Variants in DIO1 observed in about 807,000 individuals in gnomAD.
The protein encoded by DIO1 is iodothyronine deiodinase 1.
Under a neutral mutation model 25.9 loss-of-function variants are expected in DIO1, and 17 were observed. The observed-to-expected ratio is 0.66, with a 90% CI of 0.45 to 0.98. The LOEUF (loss-of-function observed/expected upper bound fraction) is 0.98, where lower values mean the gene tolerates loss of function less well. Among genes scored for constraint, DIO1 ranks in the 50% least tolerant of loss-of-function variants. DIO1 has a pLI of 0.00. For missense variants in DIO1, 270 were observed against 310.4 expected (o/e 0.87, Z 0.98); for synonymous variants, 115 against 114.0 (o/e 1.01, Z -0.05).
chr1:53,898,170 C>G (rs1007842936), intron 1 of DIO1, among the ~76,000 whole-genome samples: 2 of 151,960 alleles, frequency 1.3e-5, no homozygotes, highest in Non-Finnish European at 2.9e-5. Context: ...TGTCTAGGGA[C>G]AGTGAAACCT....
At chr1:53,896,830 A>C (rs933496018) in intron 1 of DIO1, among the ~76,000 whole-genome samples, 1 of 152,206 alleles carries the variant, frequency 6.6e-6, no homozygotes, top group Admixed American at 6.5e-5. Context: ...GGTCTTGAAG[A>C]ATGAGTCAGA....
At chr1:53,899,673 G>A (rs1234115777) in intron 1 of DIO1, among the ~76,000 whole-genome samples, 1 of 152,114 alleles carries the variant, frequency 6.6e-6, no homozygotes, top group African/African-American at 2.4e-5. Context: ...AGTCTTTTGG[G>A]TTCTTTATTT....
chr1:53,904,264 C>T (rs1326261027), intron 1 of DIO1, among the ~76,000 whole-genome samples: 1 of 152,170 alleles, frequency 6.6e-6, no homozygotes, highest in African/African-American at 2.4e-5. Context: ...GCTGTGTGAC[C>T]TGGAGCAAAT....
rs1239456854 is a variant in DIO1 at position 53,911,067 on chromosome 1, T to TATTAAA, written c.*1071_*1076dup. 4.6e-5 allele frequency: 7 copies of TATTAAA among 152,798 alleles called. No individual in the cohort carries two copies. The highest frequency in any genetic ancestry group is 3.9e-4 in the East Asian group (2 of 5,192). 9.5% of individuals were successfully genotyped at this position (152,798 alleles called of 1,614,324 possible). On this transcript the variant is annotated 3_prime_UTR_variant, in exon 4 of 4. Coordinates refer to ENST00000361921, the MANE Select transcript of DIO1 (RefSeq NM_000792.7). Reference sequence around the variant, plus strand: ...AGATGCAGTAAACTAATAACAGAATTATTAAAATATATCAGGCTATTTTGG... The same window carrying TATTAAA: ...AGATGCAGTAAACTAATAACAGAATTATTAAAATTAAAATATATCAGGCTATTTTGG...
At chr1:53,906,628 GT>G (rs912806156) in intron 3 of DIO1, among the ~76,000 whole-genome samples, 6 of 151,746 alleles carry the variant, frequency 4.0e-5, no homozygotes, top group African/African-American at 7.2e-5. Context: ...AGAGAATGTT[GT>G]TTTTGTTCTC....
intron 2 of DIO1, 24 bp from the exon 3 acceptor site, chr1:53,906,071 C>T (rs777476215): frequency 6.8e-6 from 11 of 1,611,810 alleles, no homozygotes; most frequent in Admixed American, 3.3e-5. Context: ...CAATGGGACT[C>T]GGTGCCTGGC....
chr1:53,898,428 T>C lies in DIO1; in HGVS notation c.337+3881T>C, dbSNP rs1651189486. Reference sequence around the variant, plus strand: ...TCTGGAAGGGTTTCCAAGAGAGAAGTAAACATGATCAGTTCTGCTTATTAG... The same window carrying C: ...TCTGGAAGGGTTTCCAAGAGAGAAGCAAACATGATCAGTTCTGCTTATTAG... On this transcript the variant is annotated intron_variant, in intron 1 of 3. Transcript: ENST00000361921. 2.0e-5 allele frequency among the ~76,000 whole-genome samples: 3 copies of C among 151,932 alleles called. No individual in the cohort carries two copies. The South Asian group carries it at 6.2e-4, about 32-fold the overall frequency.
rs1400743739 is a variant in DIO1, at chr1:53,910,445, A to C, written c.*446A>C. On this transcript the variant is annotated 3_prime_UTR_variant, in exon 4 of 4. Transcript: ENST00000361921. ...GGGAAATTCATTTTACCCAATTTGC[A>C]TTTATGGAATTGATCATTTAAGACA... 1.8e-5 allele frequency: 3 copies of C among 164,052 alleles called. No homozygotes were observed. The highest frequency in any genetic ancestry group is 4.1e-5 in the Non-Finnish European group (3 of 74,052). 10.2% of individuals were successfully genotyped at this position (164,052 alleles called of 1,614,324 possible).
chr1:53,900,057 C>A (rs1651274395), intron 1 of DIO1, among the ~76,000 whole-genome samples: 1 of 152,190 alleles, frequency 6.6e-6, no homozygotes, highest in South Asian at 2.1e-4. Flanking sequence ...CCACTCAATG[C>A]CTCCTCAGGC....
intron 3 of DIO1, among the ~76,000 whole-genome samples, chr1:53,908,323 A>G (rs897380888): frequency 1.3e-5 from 2 of 152,216 alleles, no homozygotes; most frequent in African/African-American, 2.4e-5. Flanking sequence ...CAGTGTCCCA[A>G]CTGCTGGGGG....
In DIO1 at chr1:53,906,188, C is replaced by T; in HGVS notation, c.575C>T (p.Pro192Leu). ...GCCCATCTACTGCTGGCCAGGAGCC[C>T]CCAGTGCCCTGTGGTGGTGGACACC... ...QAAHLLLARS[P>L]QCPVVVDTMQ... The change falls in exon 3 of 4, where the codon CCC becomes CTC. Residue 192 changes from proline (P) to leucine (L), a missense_variant. Physicochemically the swap from Pro to Leu is moderately conservative, Grantham distance 98. Transcript: ENST00000361921. The T allele has an allele frequency of 6.2e-7, 1 of 1,614,176 alleles. No individual in the cohort carries two copies. The highest frequency in any genetic ancestry group is 8.5e-7 in the Non-Finnish European group (1 of 1,180,030).
At chr1:53,905,718 G>C (rs1308543346) in intron 2 of DIO1, among the ~76,000 whole-genome samples, 3 of 152,222 alleles carry the variant, frequency 2.0e-5, no homozygotes, top group African/African-American at 7.2e-5. Context: ...GCCTCTCCAA[G>C]TATGGTCTAG....
Position 53,906,233 on chromosome 1 carries a change from A to G in DIO1, c.620A>G (p.Gln207Arg). The G allele has an allele frequency of 1.2e-6, 2 of 1,614,190 alleles. No homozygotes were observed. The highest frequency in any genetic ancestry group is 2.2e-5 in the South Asian group (2 of 91,078). Residue 207 changes from glutamine (Q) to arginine (R), a missense_variant, in exon 3 of 4, where the codon CAG becomes CGG. Physicochemically the swap from Gln to Arg is conservative, Grantham distance 43. Transcript: ENST00000361921. The stretch of plus-strand genomic sequence containing the variant: ...GACACCATGCAGAACCAGAGCAGCC[A>G]GCTCTACGCAGCACTGCCTGAGAGG... ...VVDTMQNQSS[Q>R]LYAALPERLY...
intron 1 of DIO1, among the ~76,000 whole-genome samples, chr1:53,897,507 T>A (rs1651141805): frequency 6.6e-6 from 1 of 151,850 alleles, no homozygotes; most frequent in Non-Finnish European, 1.5e-5. Flanking sequence ...TAAAATAAAA[T>A]AAAAACTGTT....
At position 53,910,050 on chromosome 1, in the gene DIO1, C is replaced by A; in HGVS notation, c.*51C>A. On this transcript the variant is annotated 3_prime_UTR_variant, in exon 4 of 4. Transcript: ENST00000361921. ...TGACCAACGGGAGGGCTTCTCAAGG[C>A]TTAGCTCTCCCTGAGACCCAGCTGG... 1.3e-6 allele frequency: 2 copies of A among 1,516,862 alleles called. No individual in the cohort carries two copies. The highest frequency in any genetic ancestry group is 9.2e-7 in the Non-Finnish European group (1 of 1,091,364). 94.0% of individuals were successfully genotyped at this position (1,516,862 alleles called of 1,614,324 possible).
At chr1:53,898,864 C>T (rs764280107) in intron 1 of DIO1, among the ~76,000 whole-genome samples, 4 of 151,984 alleles carry the variant, frequency 2.6e-5, no homozygotes, top group Non-Finnish European at 5.9e-5. Context: ...GACAGAGAGA[C>T]GTGAAGAATC....
rs1651659541 is a variant in DIO1, at chr1:53,906,427, G to C, written c.681+133G>C. 9.3e-6 allele frequency: 7 copies of C among 754,450 alleles called. No individual in the cohort carries two copies. In the East Asian group the frequency reaches 1.9e-4, roughly 21 times the overall value. 46.7% of individuals were successfully genotyped at this position (754,450 alleles called of 1,614,324 possible). A position where few individuals can be genotyped will look rare whatever the true frequency, so the allele number is the denominator to read the frequency against. On this transcript the variant is annotated intron_variant, in intron 3 of 3. Transcript: ENST00000361921. Reference sequence around the variant, plus strand: ...GCCACTTACCAGCCATGTGACCATGGGCGAGTGCTTTCACTTCTTGGAGTT... The same window carrying C: ...GCCACTTACCAGCCATGTGACCATGCGCGAGTGCTTTCACTTCTTGGAGTT...
At chr1:53,901,764 T>C (rs577546792) in intron 1 of DIO1, among the ~76,000 whole-genome samples, 1 of 152,180 alleles carries the variant, frequency 6.6e-6, no homozygotes, top group South Asian at 2.1e-4. Flanking sequence ...AGTGCACCTA[T>C]AGTTCCAGCT....
In DIO1 at chr1:53,894,198, TGGCTTTGCCGA is replaced by T; in HGVS notation, c.-11_-1del. The T allele has an allele frequency of 6.2e-7, 1 of 1,606,864 alleles. No homozygotes were observed. The highest frequency in any genetic ancestry group is 8.5e-7 in the Non-Finnish European group (1 of 1,175,644). On this transcript the variant is annotated 5_prime_UTR_variant, in exon 1 of 4. Transcript: ENST00000361921. The surrounding 1 kb of genome is among the most constrained non-coding windows in gnomAD (Gnocchi z 4.9). ...TGCCCATAGAACTCAGAGCTTACTC[TGGCTTTGCCGA>T]GATGGGGCTGCCCCAGCCAGGGCTG... is the stretch of plus-strand genomic sequence containing the variant.
Sources: gnomAD v4.1 joint callset for allele counts (sites outside exome capture counted in the v4.1 genomes callset) on GRCh38, gnomAD v4.1.1 for gene constraint, Gnocchi (gnomAD v3.1) non-coding constraint, MANE v1.5 for transcripts, NCBI Gene and HGNC (gene_info 2026-07-23, HGNC 2026-07-21) for gene names.